NLRC5: variants seen among roughly 807,000 people sequenced by gnomAD.
The protein encoded by NLRC5 is protein NLRC5.
NLRC5 carries 114 observed loss-of-function variants against 206.9 expected under a neutral mutation model. The ratio of observed to expected loss-of-function variants is 0.55; its 90% confidence interval spans 0.47 to 0.64. The LOEUF is 0.64. NLRC5 is among the 30% of genes least tolerant of loss of function. NLRC5 has a pLI of 0.00. For missense variants in NLRC5, 2,008 were observed against 2,305.5 expected (o/e 0.87, Z 2.64); for synonymous variants, 952 against 962.8 (o/e 0.99, Z 0.21).
At chr16:57,045,648 C>T (rs1217337435) in intron 21 of NLRC5, among the ~76,000 whole-genome samples, 156 bp downstream of exon 21, 1 of 151,196 alleles carries the variant, frequency 6.6e-6, no homozygotes, top group African/African-American at 2.5e-5. Context: ...CAGTAACCAC[C>T]GCCCCCCCCA....
At chr16:57,058,359 A>G (rs1233275900) in intron 28 of NLRC5, 5 of 566,754 alleles carry the variant, frequency 8.8e-6, no homozygotes, top group Non-Finnish European at 1.6e-5. Context: ...ATCCTCCACC[A>G]AACACCCAAG....
At chr16:57,011,328 G>A (rs140190870) in intron 1 of NLRC5, among the ~76,000 whole-genome samples, 1 of 151,418 alleles carries the variant, frequency 6.6e-6, no homozygotes, top group Admixed American at 6.6e-5. Flanking sequence ...CAGGAGAATC[G>A]CTTGGACCCA....
chr16:57,030,457 T>TGGATGGAC (rs2061721928), intron 10 of NLRC5, among the ~76,000 whole-genome samples: 1 of 127,528 alleles, frequency 7.8e-6, no homozygotes, highest in Non-Finnish European at 1.7e-5. Flanking sequence ...GATGGATGGA[T>TGGATGGAC]GGATGGATGA....
At chr16:57,009,852 T>G (rs1255633331) in intron 1 of NLRC5, among the ~76,000 whole-genome samples, 2 of 152,164 alleles carry the variant, frequency 1.3e-5, no homozygotes, top group South Asian at 2.1e-4. Flanking sequence ...CTAAGGGGCA[T>G]AGGACCTGAT....
At chr16:57,036,384 C>A (rs1293986804) in intron 14 of NLRC5, among the ~76,000 whole-genome samples, 1 of 152,206 alleles carries the variant, frequency 6.6e-6, no homozygotes, top group Non-Finnish European at 1.5e-5. Context: ...CATCTAGCAC[C>A]CTTACATGTG....
chr16:57,061,176 C>T (rs1305187590), intron 30 of NLRC5, among the ~76,000 whole-genome samples: 3 of 152,244 alleles, frequency 2.0e-5, no homozygotes, highest in Non-Finnish European at 4.4e-5. Flanking sequence ...GTCCCATGCA[C>T]CCAGAGGCTG....
chr16:57,079,455 C>T (rs2068853022), intron 45 of NLRC5, 91 bp from the exon 46 acceptor site: 6 of 1,389,674 alleles, frequency 4.3e-6, no homozygotes, highest in Non-Finnish European at 5.1e-6. Flanking sequence ...GCCTAGCTTA[C>T]CCCAGACCCT....
chr16:57,042,318 T>C (rs1260733194), intron 19 of NLRC5, among the ~76,000 whole-genome samples: 4 of 152,140 alleles, frequency 2.6e-5, no homozygotes, highest in Admixed American at 6.5e-5. Flanking sequence ...CTGAACAGGC[T>C]TCTGAGGCCA....
intron 1 of NLRC5, among the ~76,000 whole-genome samples, chr16:56,993,337 A>G (rs1415595189): frequency 6.6e-5 from 10 of 151,974 alleles, no homozygotes; most frequent in African/African-American, 2.2e-4. Flanking sequence ...GCTGCCTAGT[A>G]TTTCACCGTA....
At chr16:57,030,178 G>T (rs1454734253) in intron 10 of NLRC5, 94 bp downstream of exon 10, 4 of 1,042,842 alleles carry the variant, frequency 3.8e-6, no homozygotes, top group Non-Finnish European at 4.4e-6. Context: ...TCGTCTGCAG[G>T]ATAAATCTGT....
At chr16:57,056,938 C>G (rs1278582768) in intron 27 of NLRC5, among the ~76,000 whole-genome samples, 1 of 152,044 alleles carries the variant, frequency 6.6e-6, no homozygotes, top group African/African-American at 2.4e-5. Context: ...GGATTACAGC[C>G]TTGAGCCACC....
At chr16:56,991,701 T>A (rs1272218192) in intron 1 of NLRC5, among the ~76,000 whole-genome samples, 1 of 112,018 alleles carries the variant, frequency 8.9e-6, no homozygotes, top group East Asian at 2.4e-4. Flanking sequence ...TTTTTTTTTT[T>A]AATAGACATG....
chr16:57,039,724 A>G (rs550049403), intron 15 of NLRC5, 57 bp from the exon 16 acceptor site: 1 of 1,502,020 alleles, frequency 6.7e-7, no homozygotes, highest in Admixed American at 1.7e-5. Context: ...CTCAAAAAGA[A>G]ATAGTAACAG....
rs2060765422 is a variant in NLRC5, at chr16:57,022,334, GGGTGGGAAGGGGGTGGTGAGC to G, written c.355+20_355+40del. On this transcript the variant is annotated intron_variant, in intron 4 of 48. Transcript: ENST00000688547. ...CACCATGGTGAGGACTGGAGTTGGG[GGGTGGGAAGGGGGTGGTGAGC>G]ACTGTGAAGTCCCCACTTCCAAGCT... 6.2e-7 allele frequency: 1 copy of G among 1,602,300 alleles called. No homozygotes were observed. Among genetic ancestry groups the G allele is most frequent in the South Asian group, 1.1e-5 (1 of 90,546 alleles).
At chr16:57,037,628 C>T (rs1210307226) in intron 15 of NLRC5, among the ~76,000 whole-genome samples, 1 of 152,180 alleles carries the variant, frequency 6.6e-6, no homozygotes, top group African/African-American at 2.4e-5. Context: ...GGAGACTAGG[C>T]CAAGGACTTG....
rs142613015 is a variant in NLRC5 at position 57,042,832 on chromosome 16, C to A, written c.3114-683C>A. Among the ~76,000 whole-genome samples, 628 of 152,280 alleles carry A rather than the reference C, an allele frequency of 4.1e-3. 1 individual carries two copies. The highest frequency in any genetic ancestry group is 0.013 in the African/African-American group (556 of 41,536). On this transcript the variant is annotated intron_variant, in intron 19 of 48. Transcript: ENST00000688547. The stretch of plus-strand genomic sequence containing the variant: ...TGAAATGAGTGCTGGGGCCTAAGGA[C>A]CCCCTGCTCACACCCTGTTTTTGTG...
chr16:57,075,042 T>G (rs1215241893), intron 39 of NLRC5, among the ~76,000 whole-genome samples: 3 of 98,730 alleles, frequency 3.0e-5, no homozygotes, highest in African/African-American at 1.4e-4. Context: ...TTTTTTTTTT[T>G]TTTTTGAGTT....
chr16:57,021,082 A>T, intron 3 of NLRC5, 75 bp downstream of exon 3: 2 of 1,389,944 alleles, frequency 1.4e-6, no homozygotes, highest in Admixed American at 3.6e-5. Context: ...GAGCCCAGGG[A>T]CCCACCTAAG....
At chr16:56,991,526 C>T (rs926745073) in intron 1 of NLRC5, among the ~76,000 whole-genome samples, 8 of 151,132 alleles carry the variant, frequency 5.3e-5, no homozygotes, top group Admixed American at 4.6e-4. Flanking sequence ...GGATTATAGG[C>T]GCCCGCCGCT....
Sources: allele counts gnomAD v4.1 joint callset (sites outside exome capture counted in the v4.1 genomes callset), GRCh38; gene constraint gnomAD v4.1.1; transcripts MANE v1.5; gene names NCBI Gene and HGNC (gene_info 2026-07-23, HGNC 2026-07-21).